SMG5: variants seen among roughly 807,000 people sequenced by gnomAD.
SMG5 encodes the protein SMG5 nonsense mediated mRNA decay factor.
A neutral mutation model predicts 122.9 loss-of-function variants in SMG5; 53 were observed. That is an observed-to-expected ratio of 0.43 (90% CI 0.35 to 0.54). SMG5 has a LOEUF of 0.54. Among genes scored for constraint, SMG5 ranks in the 20% least tolerant of loss-of-function variants. The pLI, the probability that SMG5 is intolerant of heterozygous loss-of-function variation, is 0.01. For synonymous variants in SMG5, 477 were observed against 490.2 expected (o/e 0.97, Z 0.35); for missense variants, 1,153 against 1,285.6 (o/e 0.90, Z 1.58).
chr1:156,262,672 A>C (rs1218668846), intron 13 of SMG5, among the ~76,000 whole-genome samples: 1 of 151,602 alleles, frequency 6.6e-6, no homozygotes, highest in Non-Finnish European at 1.5e-5. Flanking sequence ...TCTTTACCAC[A>C]CCTCCCTCAA....
intron 7 of SMG5, among the ~76,000 whole-genome samples, chr1:156,270,718 A>T (rs1662371201): frequency 6.6e-6 from 1 of 152,208 alleles, no homozygotes; most frequent in Non-Finnish European, 1.5e-5. Context: ...AAGAAATGGG[A>T]AAGATACAGC....
At chr1:156,266,430 GAA>G (rs1662147296) in intron 11 of SMG5, 50 bp from the exon 12 acceptor site, 1 of 1,600,398 alleles carries the variant, frequency 6.2e-7, no homozygotes, top group Non-Finnish European at 8.5e-7. Flanking sequence ...GTGGAGCCTG[GAA>G]GCTGGAATGT....
Position 156,266,437 on chromosome 1 carries a change from GA to G in SMG5, c.1256-58del, listed in dbSNP as rs1221154064. 2.1e-5 allele frequency: 34 copies of G among 1,600,654 alleles called. No homozygotes were observed. In the East Asian group the frequency reaches 6.9e-4, roughly 33 times the overall value. ...AGGAACAGGTGGAGCCTGGAAGCTG[GA>G]ATGTGCTCTCCAACACCACTTCCCC... On this transcript the variant is annotated intron_variant, in intron 11 of 21. Coordinates refer to ENST00000361813, the MANE Select transcript of SMG5 (RefSeq NM_015327.3).
rs1440623690 is a variant in SMG5 at position 156,251,565 on chromosome 1, T to C, written c.2754-88A>G. The C allele has an allele frequency of 2.6e-5, 35 of 1,361,886 alleles. No homozygotes were observed. In the East Asian group the frequency reaches 6.9e-4, roughly 27 times the overall value. The allele number at this position is 1,361,886 out of a possible 1,614,324, so 84.4% of individuals were successfully genotyped here. ...GCAGTCTGTTGTGGCTCTGGGGGCC[T>C]GGTTTTGCAGGCGGGGCTGGGGAAC... On this transcript the variant is annotated intron_variant, in intron 19 of 21. Transcript: ENST00000361813.
rs541449294 is a variant in SMG5 at position 156,249,928 on chromosome 1, G to A, written c.*659C>T. On this transcript the variant is annotated 3_prime_UTR_variant, in exon 22 of 22. Transcript: ENST00000361813. ...GCTAGACAGAGGGAGACACAAAGCAGAAGTGGGGCAATGGGATGTGCAGCC... is the reference window on the plus strand; with the variant it reads ...GCTAGACAGAGGGAGACACAAAGCAAAAGTGGGGCAATGGGATGTGCAGCC... 1.1e-5 allele frequency: 5 copies of A among 471,174 alleles called. No individual in the cohort carries two copies. Among genetic ancestry groups the A allele is most frequent in the South Asian group, 7.7e-5 (5 of 64,570 alleles). The allele number at this position is 471,174 out of a possible 1,614,324, so 29.2% of individuals were successfully genotyped here. A position where few individuals can be genotyped will look rare whatever the true frequency, so the allele number is the denominator to read the frequency against.
At chr1:156,256,807 GAA>G (rs1661596013) in intron 16 of SMG5, among the ~76,000 whole-genome samples, 1 of 152,070 alleles carries the variant, frequency 6.6e-6, no homozygotes, top group African/African-American at 2.4e-5. Flanking sequence ...TAAAGCAGCA[GAA>G]AAGAGCCAGG....
intron 10 of SMG5, among the ~76,000 whole-genome samples, chr1:156,266,999 A>G (rs1662183540): frequency 6.6e-6 from 1 of 152,074 alleles, no homozygotes; most frequent in East Asian, 1.9e-4. Flanking sequence ...TCAGATAAGC[A>G]TATCCTTTTG....
At chr1:156,285,896 T>G (rs1313034957), upstream of SMG5, 1 of 1,613,970 alleles carries the variant, frequency 6.2e-7, no homozygotes, top group Non-Finnish European at 8.5e-7. Context: ...CTTCCTGCCG[T>G]TTGATGTCCC....
upstream of SMG5, chr1:156,285,758 G>A (rs368132152): frequency 6.2e-7 from 1 of 1,613,412 alleles, no homozygotes; most frequent in Non-Finnish European, 8.5e-7. Context: ...GGCTGAGGCA[G>A]TGGTGAGGCC....
chr1:156,266,760 G>T, intron 10 of SMG5, 82 bp from the exon 11 acceptor site: 1 of 1,428,930 alleles, frequency 7.0e-7, no homozygotes, highest in Non-Finnish European at 9.5e-7. Flanking sequence ...CATCTCATCT[G>T]TTCTCAACTC....
In SMG5 at chr1:156,266,015, G is replaced by T. The variant is rs567751929; in HGVS notation, c.1621C>A (p.Pro541Thr). 9.3e-6 allele frequency: 15 copies of T among 1,614,248 alleles called. No individual in the cohort carries two copies. The South Asian group carries it at 1.5e-4, about 17-fold the overall frequency. ...EEGTRSPTLEPPRGRSEAPDS... is the reference protein window; with the variant it reads ...EEGTRSPTLETPRGRSEAPDS... ...GGAGCCTCTGATCTGCCCCGAGGGG[G>T]CTCCAGGGTTGGTGACCGTGTCCCC... Residue 541 changes from proline (P) to threonine (T), a missense_variant, in exon 12 of 22, where the codon CCC (proline) becomes ACC (threonine). Pro to Thr is a conservative substitution (Grantham distance 38). Transcript: ENST00000361813.
intron 2 of SMG5, among the ~76,000 whole-genome samples, chr1:156,278,611 C>A (rs1197422329): frequency 6.6e-6 from 1 of 152,130 alleles, no homozygotes; most frequent in Non-Finnish European, 1.5e-5. Context: ...AAGTGTTCCT[C>A]CTGCCTTGGT....
chr1:156,285,083 A>C (rs1663110699), upstream of SMG5: 7 of 1,035,046 alleles, frequency 6.8e-6, no homozygotes, highest in Non-Finnish European at 9.2e-6. Context: ...AGGGGCCAAA[A>C]CCCATGAAGC....
At chr1:156,259,675 C>A (rs968957197) in intron 15 of SMG5, among the ~76,000 whole-genome samples, 2 of 152,008 alleles carry the variant, frequency 1.3e-5, no homozygotes, top group African/African-American at 4.8e-5. Context: ...ACTACAGGTG[C>A]GCACCACCAT....
intron 5 of SMG5, 100 bp from the exon 6 acceptor site, chr1:156,273,550 T>A: frequency 8.8e-7 from 1 of 1,137,954 alleles, no homozygotes; most frequent in East Asian, 2.6e-5. Context: ...AACAAGAGCC[T>A]GGAAGGAAGG....
At chr1:156,251,296 C>G in intron 20 of SMG5, 107 bp downstream of exon 20, 1 of 1,323,132 alleles carries the variant, frequency 7.6e-7, no homozygotes, top group Non-Finnish European at 1.1e-6. Context: ...TGGCAGGCTA[C>G]GTGTGGAGCC....
chr1:156,272,573 CT>C (rs1206495826), intron 6 of SMG5, among the ~76,000 whole-genome samples, 175 bp from the exon 7 acceptor site: 1 of 151,570 alleles, frequency 6.6e-6, no homozygotes. Flanking sequence ...GATTACTGAC[CT>C]CTTCTTTTTT....
intron 17 of SMG5, 94 bp downstream of exon 17, chr1:156,253,355 A>T: frequency 7.8e-7 from 1 of 1,288,946 alleles, no homozygotes; most frequent in Non-Finnish European, 1.1e-6. Flanking sequence ...GCAACAGAGC[A>T]GGGGGACTAC....
chr1:156,250,642 C>G lies in SMG5; in HGVS notation c.2996G>C (p.Ser999Thr). Residue 999 changes from serine (S) to threonine (T), a missense_variant, in exon 22 of 22, where the codon AGT becomes ACT. Around this residue, in one of 5 missense-constraint regions of SMG5, gnomAD observed 84 missense variants for 82.3 expected, o/e 1.02. Transcript: ENST00000361813. The part of the protein sequence containing the change: ...QAALQAAAHA[S>T]VDIKNVLDFY... ...GTCCAGAACATTCTTGATGTCCACA[C>G]TGGCGTGGGCAGCGGCCTGCAGGGC... 1 of 1,614,196 alleles carries G rather than the reference C, an allele frequency of 6.2e-7. No homozygotes were observed. The highest frequency in any genetic ancestry group is 8.5e-7 in the Non-Finnish European group (1 of 1,180,046).
Sources: gnomAD v4.1 joint callset for allele counts (sites outside exome capture counted in the v4.1 genomes callset) on GRCh38, gnomAD v4.1.1 for gene constraint, gnomAD v4.1.1 regional missense constraint, MANE v1.5 for transcripts, NCBI Gene and HGNC (gene_info 2026-07-23, HGNC 2026-07-21) for gene names.